DENND5B: variants seen among roughly 807,000 people sequenced by gnomAD.
DENND5B encodes DENN domain-containing protein 5B.
In DENND5B, 34 loss-of-function variants were observed where a neutral mutation model predicts 140.6. The ratio of observed to expected loss-of-function variants is 0.24; its 90% CI spans 0.18 to 0.32. DENND5B has a LOEUF of 0.32. Among genes scored for constraint, DENND5B ranks in the 10% least tolerant of loss-of-function variants. The probability of loss-of-function intolerance (pLI) is 1.00; values close to 1 mark genes in which losing one functional copy is unlikely to be tolerated. For missense variants in DENND5B, 1,142 were observed against 1,560.2 expected (o/e 0.73, Z 4.52); for synonymous variants, 551 against 562.1 (o/e 0.98, Z 0.28).
intron 1 of DENND5B, among the ~76,000 whole-genome samples, chr12:31,539,722 A>G (rs1230960961): frequency 6.6e-6 from 1 of 152,152 alleles, no homozygotes; most frequent in Non-Finnish European, 1.5e-5. Context: ...GTATAGAAGA[A>G]ACATATCTTA....
intron 1 of DENND5B, among the ~76,000 whole-genome samples, chr12:31,511,940 T>TTTTTG: frequency 1.4e-5 from 2 of 147,530 alleles, no homozygotes; most frequent in African/African-American, 2.5e-5. Context: ...TTTTTTTTTT[T>TTTTTG]TGTGACGGAG....
chr12:31,479,628 A>G lies in DENND5B; in HGVS notation c.865T>C (p.Cys289Arg). ...GLENLVQVFT[C>R]VLLEMQILLY... Reference sequence around the variant, plus strand: ...AGGATTTGCATCTCTAAAAGAACACAGGTAAACACCTGCACCAGGTTCTCT... The same window carrying G: ...AGGATTTGCATCTCTAAAAGAACACGGGTAAACACCTGCACCAGGTTCTCT... Residue 289 changes from cysteine (C) to arginine (R), a missense_variant, in exon 3 of 21, where the codon TGT (cysteine) becomes CGT (arginine). Coordinates refer to ENST00000389082, the MANE Select transcript of DENND5B (RefSeq NM_144973.4). The G allele has an allele frequency of 6.6e-7, 1 of 1,516,472 alleles. No individual in the cohort carries two copies. The highest frequency in any genetic ancestry group is 2.3e-5 in the Admixed American group (1 of 43,068). 93.9% of individuals were successfully genotyped at this position (1,516,472 alleles called of 1,614,324 possible).
At chr12:31,560,613 C>A (rs1456633470) in intron 1 of DENND5B, among the ~76,000 whole-genome samples, 2 of 152,188 alleles carry the variant, frequency 1.3e-5, no homozygotes, top group Non-Finnish European at 2.9e-5. Context: ...TCAGAGGTCT[C>A]TCTACCCTGT....
At chr12:31,407,491 A>G (rs1942192432) in intron 14 of DENND5B, among the ~76,000 whole-genome samples, 1 of 152,244 alleles carries the variant, frequency 6.6e-6, no homozygotes, top group Non-Finnish European at 1.5e-5. Context: ...ATCAACGAAT[A>G]GTAACTTGAC....
intron 1 of DENND5B, among the ~76,000 whole-genome samples, chr12:31,557,733 A>T (rs1286712010): frequency 6.6e-6 from 1 of 150,926 alleles, no homozygotes; most frequent in Non-Finnish European, 1.5e-5. Flanking sequence ...AGGGAAAAGG[A>T]GAAGAGAGAA....
chr12:31,518,028 T>C (rs185857632), intron 1 of DENND5B, among the ~76,000 whole-genome samples: 34 of 152,248 alleles, frequency 2.2e-4, no homozygotes, highest in African/African-American at 7.9e-4. Flanking sequence ...TTCCCAAAGG[T>C]AGATCTGCGG....
intron 1 of DENND5B, among the ~76,000 whole-genome samples, chr12:31,531,309 C>T (rs771634036): frequency 6.6e-6 from 1 of 152,194 alleles, no homozygotes; most frequent in Non-Finnish European, 1.5e-5. Context: ...AAGCCATTCT[C>T]CTGCCTCAGC....
chr12:31,397,383 C>A (rs1941530762), intron 17 of DENND5B, among the ~76,000 whole-genome samples: 1 of 150,906 alleles, frequency 6.6e-6, no homozygotes, highest in Non-Finnish European at 1.5e-5. Flanking sequence ...CTTGTCTCTA[C>A]CAAAAATATA....
chr12:31,428,252 G>T (rs932701349), intron 8 of DENND5B, among the ~76,000 whole-genome samples: 3 of 151,100 alleles, frequency 2.0e-5, no homozygotes, highest in Non-Finnish European at 4.4e-5. Context: ...TGAGGCAGGA[G>T]AATTGCTTGA....
intron 9 of DENND5B, among the ~76,000 whole-genome samples, chr12:31,425,184 C>T (rs960021477): frequency 3.9e-5 from 6 of 152,134 alleles, no homozygotes; most frequent in Non-Finnish European, 2.9e-5. Flanking sequence ...TAGTGGCACA[C>T]GCCTGTAATC....
intron 2 of DENND5B, among the ~76,000 whole-genome samples, chr12:31,494,952 T>C (rs1438794177): frequency 6.6e-6 from 1 of 152,250 alleles, no homozygotes; most frequent in African/African-American, 2.4e-5. Context: ...ATTCTTTCCT[T>C]GCTTTGTTTG....
intron 1 of DENND5B, among the ~76,000 whole-genome samples, chr12:31,528,137 C>T (rs1410132179): frequency 1.3e-5 from 2 of 152,300 alleles, no homozygotes; most frequent in East Asian, 3.9e-4. Flanking sequence ...TTTCACAGTT[C>T]TGGAGGCCAG....
At chr12:31,443,190 T>G (rs793187) in intron 6 of DENND5B, among the ~76,000 whole-genome samples, 12 of 152,076 alleles carry the variant, frequency 7.9e-5, no homozygotes, top group African/African-American at 2.9e-4. Context: ...ATCCTCCTGC[T>G]TCAGCCTCCC....
At chr12:31,474,328 C>G (rs1945693597) in intron 3 of DENND5B, among the ~76,000 whole-genome samples, 1 of 152,280 alleles carries the variant, frequency 6.6e-6, no homozygotes, top group Admixed American at 6.5e-5. Flanking sequence ...TATTCTTCCA[C>G]TAGTTCTTTG....
At chr12:31,489,675 TTACATTAAGCACGAGATAC>T (rs1272283956) in intron 2 of DENND5B, among the ~76,000 whole-genome samples, 2 of 152,180 alleles carry the variant, frequency 1.3e-5, no homozygotes, top group Non-Finnish European at 2.9e-5. Flanking sequence ...CTCATGGTGC[TTACATTAAGCACGAGATAC>T]ACAGTTGACT....
chr12:31,505,248 T>G (rs1433132720), intron 1 of DENND5B, among the ~76,000 whole-genome samples: 2 of 151,474 alleles, frequency 1.3e-5, no homozygotes, highest in Non-Finnish European at 2.9e-5. Context: ...CCTTTTTTTT[T>G]TTTTTTTTGA....
intron 17 of DENND5B, among the ~76,000 whole-genome samples, chr12:31,397,759 A>G (rs1941564375): frequency 6.6e-6 from 1 of 151,852 alleles, no homozygotes; most frequent in Admixed American, 6.6e-5. Context: ...AAGGCAGTCT[A>G]TAAAAAATAC....
chr12:31,485,503 G>A (rs1449898242), intron 2 of DENND5B, among the ~76,000 whole-genome samples: 1 of 152,230 alleles, frequency 6.6e-6, no homozygotes, highest in African/African-American at 2.4e-5. Flanking sequence ...CTTGAGCCTA[G>A]TTATGATTTA....
chr12:31,445,214 A>G (rs564214285), intron 6 of DENND5B, among the ~76,000 whole-genome samples: 118 of 152,328 alleles, frequency 7.7e-4, no homozygotes, highest in Non-Finnish European at 1.5e-3. Context: ...ATAAGTGTGG[A>G]CTAGTACATT....
Sources: allele counts gnomAD v4.1 joint callset (sites outside exome capture counted in the v4.1 genomes callset), GRCh38; gene constraint gnomAD v4.1.1; transcripts MANE v1.5; gene names NCBI Gene and HGNC (gene_info 2026-07-23, HGNC 2026-07-21).